The following LRP12 variants were observed in gnomAD, a reference collection of about 807,000 sequenced individuals.
LRP12 encodes low-density lipoprotein receptor-related protein 12.
Under a neutral mutation model 66.0 loss-of-function variants are expected in LRP12, and 14 were observed. The observed-to-expected ratio is 0.21, with a 90% CI of 0.14 to 0.33. LRP12 has a LOEUF of 0.33. LRP12 is among the 10% of genes least tolerant of loss of function. The pLI, the probability that LRP12 is intolerant of heterozygous loss-of-function variation, is 1.00. For synonymous variants in LRP12, 357 were observed against 359.1 expected (o/e 0.99, Z 0.07); for missense variants, 889 against 1,053.4 (o/e 0.84, Z 2.16).
chr8:104,566,621 C>G (rs1812008341), intron 1 of LRP12, among the ~76,000 whole-genome samples: 2 of 152,112 alleles, frequency 1.3e-5, no homozygotes, highest in East Asian at 3.8e-4. Context: ...AGTACTCACA[C>G]AAATTATTTC....
intron 1 of LRP12, among the ~76,000 whole-genome samples, chr8:104,580,358 T>TACAAAAAAAAA (rs1554712302): frequency 1.2e-4 from 11 of 92,070 alleles, no homozygotes; most frequent in African/African-American, 3.3e-4. Flanking sequence ...CTACTAAAAA[T>TACAAAAAAAAA]AAAAAAAAAA....
chr8:104,493,399 T>TG (rs1810668373), intron 6 of LRP12, among the ~76,000 whole-genome samples: 2 of 152,210 alleles, frequency 1.3e-5, no homozygotes, highest in African/African-American at 4.8e-5. Flanking sequence ...TCTAAAATGT[T>TG]GAAGTAGAAT....
intron 6 of LRP12, among the ~76,000 whole-genome samples, chr8:104,492,675 C>T (rs1459882921): frequency 6.6e-6 from 1 of 152,028 alleles, no homozygotes; most frequent in Admixed American, 6.5e-5. Context: ...ATAGGCCCTT[C>T]CATAGTGCCA....
intron 2 of LRP12, among the ~76,000 whole-genome samples, chr8:104,526,943 G>T (rs1811248876): frequency 6.8e-6 from 1 of 147,290 alleles, no homozygotes; most frequent in Admixed American, 6.6e-5. Flanking sequence ...TCTGACAAAA[G>T]GGCTAATATC....
At chr8:104,570,361 C>T (rs536359716) in intron 1 of LRP12, among the ~76,000 whole-genome samples, 19 of 152,238 alleles carry the variant, frequency 1.2e-4, no homozygotes, top group Admixed American at 1.2e-3. Context: ...ATTGCATACG[C>T]TACCCAATTT....
intron 1 of LRP12, among the ~76,000 whole-genome samples, chr8:104,558,429 A>G (rs145865204): frequency 1.8e-3 from 275 of 152,314 alleles, no homozygotes; most frequent in Non-Finnish European, 3.6e-3. Context: ...CTGGATCCTC[A>G]TCTTTCATTT....
chr8:104,558,225 A>C (rs949028453), intron 1 of LRP12, among the ~76,000 whole-genome samples: 1 of 151,990 alleles, frequency 6.6e-6, no homozygotes, highest in Non-Finnish European at 1.5e-5. Context: ...AACAAACAAA[A>C]AAAAACAGAA....
chr8:104,582,519 T>C (rs1290370086), intron 1 of LRP12, among the ~76,000 whole-genome samples: 1 of 152,206 alleles, frequency 6.6e-6, no homozygotes, highest in Non-Finnish European at 1.5e-5. Context: ...GCATTTAACT[T>C]TGGCAAAAAG....
chr8:104,554,006 G>A (rs764500798), intron 1 of LRP12, among the ~76,000 whole-genome samples: 3 of 152,096 alleles, frequency 2.0e-5, no homozygotes, highest in Non-Finnish European at 4.4e-5. Context: ...AGCTCTGCTG[G>A]GTGGCTAGAC....
chr8:104,552,814 A>T (rs1000893207), intron 1 of LRP12, among the ~76,000 whole-genome samples: 3 of 152,164 alleles, frequency 2.0e-5, no homozygotes, highest in Non-Finnish European at 2.9e-5. Flanking sequence ...TTTTGCTCCA[A>T]GAACTACCAC....
chr8:104,567,922 C>A (rs1235566529), intron 1 of LRP12, among the ~76,000 whole-genome samples: 1 of 152,140 alleles, frequency 6.6e-6, no homozygotes, highest in Non-Finnish European at 1.5e-5. Context: ...AATGGATAAA[C>A]TAATCCTAAA....
intron 6 of LRP12, among the ~76,000 whole-genome samples, chr8:104,493,993 T>G (rs1395318524): frequency 6.6e-6 from 1 of 152,224 alleles, no homozygotes; most frequent in Admixed American, 6.5e-5. Flanking sequence ...TAGTAAATTA[T>G]CAAACCTGAA....
At chr8:104,511,096 TACAGTGGTACAATCTCGGCTC>T (rs1810988927) in intron 2 of LRP12, among the ~76,000 whole-genome samples, 1 of 128,542 alleles carries the variant, frequency 7.8e-6, no homozygotes, top group Non-Finnish European at 1.6e-5. Flanking sequence ...GTGGATGGAG[TACAGTGGTACAATCTCGGCTC>T]ACTACAACCT....
chr8:104,576,268 G>A (rs1228582636), intron 1 of LRP12, among the ~76,000 whole-genome samples: 15 of 152,126 alleles, frequency 9.9e-5, no homozygotes, highest in Admixed American at 9.8e-4. Flanking sequence ...AAAATGCAGA[G>A]AACTCAAGTA....
chr8:104,520,167 T>C (rs1236832805), intron 2 of LRP12, among the ~76,000 whole-genome samples: 2 of 152,068 alleles, frequency 1.3e-5, no homozygotes, highest in African/African-American at 4.8e-5. Context: ...CTGAAATTTC[T>C]TAGTAAGAAT....
chr8:104,532,237 A>G (rs2140862994), intron 1 of LRP12, among the ~76,000 whole-genome samples: 1 of 152,156 alleles, frequency 6.6e-6, no homozygotes, highest in African/African-American at 2.4e-5. Flanking sequence ...TCTATCAATT[A>G]ATAATCAAAA....
chr8:104,525,179 A>G (rs893851327), intron 2 of LRP12, among the ~76,000 whole-genome samples: 2 of 152,148 alleles, frequency 1.3e-5, no homozygotes, highest in African/African-American at 4.8e-5. Flanking sequence ...TTATAAAAAT[A>G]CCATTTGTCT....
intron 1 of LRP12, among the ~76,000 whole-genome samples, chr8:104,559,685 C>CA (rs1008555472): frequency 1.7e-4 from 25 of 150,794 alleles, no homozygotes; most frequent in Admixed American, 1.1e-3. Context: ...CATGCCTATC[C>CA]AAAAAAAAGG....
intron 2 of LRP12, among the ~76,000 whole-genome samples, chr8:104,523,331 T>C (rs1811178555): frequency 6.6e-6 from 1 of 152,168 alleles, no homozygotes; most frequent in South Asian, 2.1e-4. Flanking sequence ...AAAAATACAC[T>C]AACCTATTAT....
Sources: allele counts gnomAD v4.1 joint callset (sites outside exome capture counted in the v4.1 genomes callset), GRCh38; gene constraint gnomAD v4.1.1; transcripts MANE v1.5; gene names NCBI Gene and HGNC (gene_info 2026-07-23, HGNC 2026-07-21).